Variants in EDRF1 observed in about 807,000 individuals in gnomAD.
EDRF1 encodes erythroid differentiation-related factor 1.
EDRF1 carries 69 observed loss-of-function variants against 148.7 expected under a neutral mutation model. The observed-to-expected ratio is 0.46, with a 90% CI of 0.38 to 0.57. The LOEUF is 0.57. Among genes scored for constraint, EDRF1 ranks in the 20% least tolerant of loss-of-function variants. The pLI is 0.00. For synonymous variants in EDRF1, 515 were observed against 532.8 expected (o/e 0.97, Z 0.46); for missense variants, 1,118 against 1,478.7 (o/e 0.76, Z 4.00).
intron 2 of EDRF1, among the ~76,000 whole-genome samples, chr10:125,722,571 T>A (rs773427082): frequency 1.3e-4 from 20 of 152,196 alleles, no homozygotes; most frequent in African/African-American, 1.9e-4. Context: ...CATTTTTTTT[T>A]AATTTCCTTT....
chr10:125,753,598 G>A (rs898378911), intron 23 of EDRF1, 96 bp from the exon 24 acceptor site: 5 of 1,341,200 alleles, frequency 3.7e-6, no homozygotes, highest in African/African-American at 1.4e-5. Context: ...GGTTAAAAAT[G>A]TATTGGATGA....
chr10:125,729,036 G>C lies in EDRF1; in HGVS notation c.826G>C (p.Gly276Arg), dbSNP rs779434651. ...SEPLEPSYIV[G>R]HVASAPKEQN... is the part of the protein sequence containing the mutation. ...GCCTCTTGAACCCTCATACATAGTG[G>C]GGCATGTGGCCTCAGCCCCCAAAGA... The change falls in exon 7 of 25, where the codon GGG (glycine) becomes CGG (arginine). Residue 276 changes from glycine to arginine, a missense_variant. Physicochemically the swap from Gly to Arg is moderately radical, Grantham distance 125. This residue lies in a region of EDRF1 where 954 missense variants were observed against 1,241.4 expected (regional missense o/e 0.77). Coordinates refer to ENST00000356792, the MANE Select transcript of EDRF1 (RefSeq NM_001202438.2). 1 of 1,583,412 alleles carries C rather than the reference G, an allele frequency of 6.3e-7. No homozygotes were observed. The highest frequency in any genetic ancestry group is 1.1e-5 in the South Asian group (1 of 88,164).
intron 22 of EDRF1, among the ~76,000 whole-genome samples, chr10:125,751,680 C>A (rs550894739): frequency 1.1e-4 from 17 of 152,342 alleles, no homozygotes; most frequent in Non-Finnish European, 2.5e-4. Flanking sequence ...TCACTTCTCA[C>A]ACTAACTACG....
chr10:125,761,381 C>A (rs1036381035), intron 24 of EDRF1: 6 of 214,078 alleles, frequency 2.8e-5, no homozygotes, highest in African/African-American at 1.4e-4. Context: ...TCATTGCTTT[C>A]ACAGATCCAG....
chr10:125,755,427 A>G (rs1404435581), intron 24 of EDRF1, among the ~76,000 whole-genome samples: 2 of 152,130 alleles, frequency 1.3e-5, no homozygotes, highest in South Asian at 2.1e-4. Context: ...TTTTGTGTCT[A>G]TGCATAGGGG....
chr10:125,760,546 CTT>C lies in EDRF1; in HGVS notation c.3546-2753_3546-2752del, dbSNP rs369284615. ...TGATAATGTGTTAATAAAATAAACACTTTGACAAGTTTCAAAACAAAAATATT... is the reference window on the plus strand; with the variant it reads ...TGATAATGTGTTAATAAAATAAACACTGACAAGTTTCAAAACAAAAATATT... On this transcript the variant is annotated intron_variant, in intron 24 of 24. Coordinates refer to ENST00000356792, the MANE Select transcript of EDRF1 (RefSeq NM_001202438.2). 4.2e-3 allele frequency among the ~76,000 whole-genome samples: 632 copies of C among 152,210 alleles called. 3 individuals are homozygous for C. Among genetic ancestry groups the C allele is most frequent in the African/African-American group, 0.013 (548 of 41,530 alleles).
intron 18 of EDRF1, among the ~76,000 whole-genome samples, chr10:125,744,431 G>A (rs538200558): frequency 1.3e-5 from 2 of 152,238 alleles, no homozygotes; most frequent in East Asian, 3.9e-4. Context: ...CAGTCCTCAC[G>A]CTTTGGCTTC....
At chr10:125,729,156 C>A in intron 7 of EDRF1, 52 bp downstream of exon 7, 1 of 1,510,668 alleles carries the variant, frequency 6.6e-7, no homozygotes, top group South Asian at 1.2e-5. Context: ...TCTACTTTGT[C>A]ATTTCAAAAC....
chr10:125,747,793 T>C (rs1849436703), intron 20 of EDRF1, 70 bp from the exon 21 acceptor site: 6 of 1,610,634 alleles, frequency 3.7e-6, no homozygotes, highest in South Asian at 3.3e-5. Context: ...AAGCAGTATT[T>C]AAACGTTTTA....
In EDRF1 at chr10:125,753,845, G is replaced by C; in HGVS notation, c.3545G>C (p.Ser1182Thr). The stretch of plus-strand genomic sequence containing the variant: ...CTATCTTCAACTAAAAAGAAAACAA[G>C]GTAAATTAAGTGGTTATTTGTAGGA... Reference protein sequence around the residue: ...KLLSSTKKKTSNNIEDDTILK... With the variant: ...KLLSSTKKKTTNNIEDDTILK... Residue 1182 changes from serine to threonine, a missense_variant and splice_region_variant, in exon 24 of 25, where the codon AGC becomes ACC. Transcript: ENST00000356792. The C allele has an allele frequency of 6.2e-7, 1 of 1,612,278 alleles. No individual in the cohort carries two copies.
chr10:125,736,748 T>C (rs1205273430), intron 13 of EDRF1, among the ~76,000 whole-genome samples: 2 of 151,858 alleles, frequency 1.3e-5, no homozygotes, highest in Non-Finnish European at 2.9e-5. Context: ...TGGAGGGTCT[T>C]TGTATTTGCT....
chr10:125,751,636 C>G (rs1321294113), intron 22 of EDRF1, among the ~76,000 whole-genome samples: 1 of 152,204 alleles, frequency 6.6e-6, no homozygotes, highest in African/African-American at 2.4e-5. Context: ...ATTCTCTCCC[C>G]ACCCGCAGAG....
chr10:125,734,031 G>A (rs1475037867), intron 11 of EDRF1, 41 bp from the exon 12 acceptor site: 3 of 1,490,696 alleles, frequency 2.0e-6, no homozygotes, highest in African/African-American at 1.4e-5. Flanking sequence ...TGCAGACAAC[G>A]ATGAAATGGG....
intron 13 of EDRF1, among the ~76,000 whole-genome samples, chr10:125,736,736 A>G (rs916262965): frequency 6.6e-6 from 1 of 151,726 alleles, no homozygotes; most frequent in Non-Finnish European, 1.5e-5. Context: ...GATTATGCTC[A>G]TTGGAGGGTC....
intron 21 of EDRF1, chr10:125,748,332 T>C (rs1849472621): frequency 2.5e-6 from 1 of 400,878 alleles, no homozygotes; most frequent in Non-Finnish European, 4.7e-6. Context: ...TCAGTAGTCA[T>C]TAAATGACTA....
In EDRF1 at chr10:125,763,226, C is replaced by T. The variant is rs1439484949; in HGVS notation, c.3546-75C>T. 3.1e-5 allele frequency: 45 copies of T among 1,451,208 alleles called. No individual in the cohort carries two copies. The highest frequency in any genetic ancestry group is 2.3e-4 in the South Asian group (20 of 87,386). The allele number at this position is 1,451,208 out of a possible 1,614,324, so 89.9% of individuals were successfully genotyped here. The stretch of plus-strand genomic sequence containing the variant: ...GAGTGACTGTTGGGCTGTCACTGTC[C>T]GGTTTTCTGGACCTCTGAATTGTCG... On this transcript the variant is annotated intron_variant, in intron 24 of 24. Transcript: ENST00000356792. The surrounding 1 kb of genome is among the most constrained non-coding windows in gnomAD (Gnocchi z 4.3).
Position 125,721,373 on chromosome 10 carries a change from C to G in EDRF1, c.278C>G (p.Thr93Ser). ...ESAKLGPAGT[T>S]ILGNSKKSKP... The stretch of plus-strand genomic sequence containing the variant: ...GCCAAACTAGGGCCAGCAGGAACTA[C>G]CATTCTTGGCAACAGCAAGAAAAGC... The change falls in exon 2 of 25, where the codon ACC becomes AGC. Residue 93 changes from threonine (T) to serine (S), a missense_variant. Transcript: ENST00000356792. 1 of 1,614,174 alleles carries G rather than the reference C, an allele frequency of 6.2e-7. No individual in the cohort carries two copies.
chr10:125,757,532 A>G (rs909085866), intron 24 of EDRF1, among the ~76,000 whole-genome samples: 1 of 152,138 alleles, frequency 6.6e-6, no homozygotes, highest in African/African-American at 2.4e-5. Context: ...CATTTATTCC[A>G]TTTCAGTACT....
At chr10:125,753,155 A>C (rs1849725589) in intron 23 of EDRF1, among the ~76,000 whole-genome samples, 1 of 152,252 alleles carries the variant, frequency 6.6e-6, no homozygotes, top group South Asian at 2.1e-4. Flanking sequence ...CATAGTTAAC[A>C]AATTATAAAG....
Sources: allele counts gnomAD v4.1 joint callset (sites outside exome capture counted in the v4.1 genomes callset), GRCh38; gene constraint gnomAD v4.1.1; regional missense constraint gnomAD v4.1.1; non-coding constraint Gnocchi (gnomAD v3.1); transcripts MANE v1.5; gene names NCBI Gene and HGNC (gene_info 2026-07-23, HGNC 2026-07-21).